PIK3C3: variants seen among roughly 807,000 people sequenced by gnomAD.
The protein encoded by PIK3C3 is PI3-kinase type 3.
In PIK3C3, 95 loss-of-function variants were observed where a neutral mutation model predicts 126.1. The ratio of observed to expected loss-of-function variants is 0.75; its 90% CI spans 0.64 to 0.89. The LOEUF (loss-of-function observed/expected upper bound fraction) is 0.89. PIK3C3 is among the 40% of genes least tolerant of loss of function. PIK3C3 has a pLI of 0.00. For missense variants in PIK3C3, 829 were observed against 1,063.2 expected (o/e 0.78, Z 3.06); for synonymous variants, 374 against 360.0 (o/e 1.04, Z -0.44).
At chr18:42,011,689 G>A (rs1982833967) in intron 10 of PIK3C3, among the ~76,000 whole-genome samples, 1 of 152,208 alleles carries the variant, frequency 6.6e-6, no homozygotes, top group Admixed American at 6.5e-5. Flanking sequence ...TACCTTGGCT[G>A]CTCAGTATGA....
At chr18:42,047,372 T>C (rs1196361308) in intron 20 of PIK3C3, among the ~76,000 whole-genome samples, 1 of 152,198 alleles carries the variant, frequency 6.6e-6, no homozygotes, top group Non-Finnish European at 1.5e-5. Flanking sequence ...CTAAGTGTAC[T>C]AAGTTCTCAT....
chr18:42,027,542 G>A lies in PIK3C3; in HGVS notation c.1584G>A (p.Leu528=), dbSNP rs1010131276. The change falls in exon 14 of 25, where the codon TTG becomes TTA. Residue 528 remains leucine, a synonymous_variant. Transcript: ENST00000262039. ...LNVMRRFSQA[L]LKGDKSVRVM... Reference sequence around the variant, plus strand: ...TAATGAGAAGATTCAGCCAAGCATTGTTGAAGGTAACCCTTAAATGTGAGG... The same window carrying A: ...TAATGAGAAGATTCAGCCAAGCATTATTGAAGGTAACCCTTAAATGTGAGG... The A allele has an allele frequency of 2.5e-6, 4 of 1,602,536 alleles. No individual in the cohort carries two copies. The African/African-American group carries it at 5.4e-5, about 21-fold the overall frequency.
At chr18:42,042,232 T>C (rs1206875553) in intron 19 of PIK3C3, among the ~76,000 whole-genome samples, 1 of 152,222 alleles carries the variant, frequency 6.6e-6, no homozygotes, top group Non-Finnish European at 1.5e-5. Context: ...TACTGCTTTT[T>C]ATTTTTTATT....
In PIK3C3 at chr18:42,001,003, A is replaced by C. The variant is rs191648140; in HGVS notation, c.985-3353A>C. Among the ~76,000 whole-genome samples the C allele has an allele frequency of 4.2e-3, 641 of 152,320 alleles. 1 individual carries two copies. The highest frequency in any genetic ancestry group is 5.8e-3 in the Non-Finnish European group (392 of 68,032). On this transcript the variant is annotated intron_variant, in intron 9 of 24. Coordinates refer to ENST00000262039, the MANE Select transcript of PIK3C3 (RefSeq NM_002647.4). ...TGTTTGAGTATTTGGAATCAAAAGC[A>C]TTGGAAAAGCAGCAAAATAGACATT...
At chr18:42,063,163 T>C (rs1985393069) in intron 22 of PIK3C3, among the ~76,000 whole-genome samples, 1 of 152,078 alleles carries the variant, frequency 6.6e-6, no homozygotes, top group Admixed American at 6.6e-5. Flanking sequence ...CTCTCTCTCA[T>C]TTTCCCATTT....
intron 15 of PIK3C3, among the ~76,000 whole-genome samples, chr18:42,030,052 G>C (rs370351144): frequency 1.3e-5 from 2 of 152,098 alleles, no homozygotes; most frequent in East Asian, 1.9e-4. Flanking sequence ...TTTGTACTCA[G>C]ACATTCTTAG....
rs747863206 is a variant in PIK3C3, at chr18:42,025,075, G to A, written c.1485-2368G>A. 3.3e-5 allele frequency among the ~76,000 whole-genome samples: 5 copies of A among 151,518 alleles called. No homozygotes were observed. The East Asian group carries it at 9.8e-4, about 30-fold the overall frequency. On this transcript the variant is annotated intron_variant, in intron 13 of 24. Coordinates refer to ENST00000262039, the MANE Select transcript of PIK3C3 (RefSeq NM_002647.4). ...GATCCGCCCACCTTGGCCTCCCAAA[G>A]TGCTGGGATTACAGGCATGAGCCAC...
intron 20 of PIK3C3, among the ~76,000 whole-genome samples, chr18:42,048,078 C>T (rs1398072736): frequency 6.6e-6 from 1 of 152,164 alleles, no homozygotes; most frequent in Admixed American, 6.5e-5. Flanking sequence ...AGTTTATTCT[C>T]CCTTCATCTA....
At chr18:42,030,121 AATAT>A (rs1983757479) in intron 15 of PIK3C3, among the ~76,000 whole-genome samples, 1 of 152,208 alleles carries the variant, frequency 6.6e-6, no homozygotes, top group Non-Finnish European at 1.5e-5. Flanking sequence ...AGCAAATTAG[AATAT>A]ACAATATATT....
In PIK3C3 at chr18:42,043,578, G is replaced by A. The variant is rs188193575; in HGVS notation, c.2104-155G>A. On this transcript the variant is annotated intron_variant, in intron 19 of 24. Transcript: ENST00000262039. ...TAATGGAAACTCTAGTGTATTTATC[G>A]CACTCTTACAATTCTTTTGTTCAGT... Among the ~76,000 whole-genome samples, 7 of 152,144 alleles carry A rather than the reference G, an allele frequency of 4.6e-5. No individual in the cohort carries two copies. The East Asian group carries it at 1.4e-3, about 29-fold the overall frequency.
At chr18:42,036,889 G>A (rs1393770673) in intron 16 of PIK3C3, among the ~76,000 whole-genome samples, 5 of 152,084 alleles carry the variant, frequency 3.3e-5, no homozygotes, top group East Asian at 1.9e-4. Context: ...ACATGATGCC[G>A]CAAGTGGAAA....
In PIK3C3 at chr18:41,983,637, G is replaced by A. The variant is rs1455493702; in HGVS notation, c.532-4175G>A. Among the ~76,000 whole-genome samples the A allele has an allele frequency of 3.3e-5, 5 of 152,228 alleles. No individual in the cohort carries two copies. The South Asian group carries it at 6.2e-4, about 19-fold the overall frequency. ...CAATGAACTGTGAGTTCTAATGATC[G>A]TGGAAGTCTGTCTATTTCCAAGGAT... On this transcript the variant is annotated intron_variant, in intron 4 of 24. Transcript: ENST00000262039.
At chr18:41,964,047 G>T (rs1252200842) in intron 3 of PIK3C3, among the ~76,000 whole-genome samples, 3 of 152,076 alleles carry the variant, frequency 2.0e-5, no homozygotes, top group Non-Finnish European at 2.9e-5. Context: ...GTTTTAGGAA[G>T]TTCCCATTTA....
chr18:41,996,016 A>C, intron 8 of PIK3C3, 22 bp downstream of exon 8: 1 of 1,491,174 alleles, frequency 6.7e-7, no homozygotes, highest in Admixed American at 1.7e-5. Flanking sequence ...ATGAAATATT[A>C]ATTTAAAAAT....
intron 4 of PIK3C3, chr18:41,985,058 A>T (rs1241395344): frequency 6.6e-6 from 1 of 152,036 alleles, no homozygotes; most frequent in Non-Finnish European, 1.5e-5. Flanking sequence ...AGGCCCTACC[A>T]CCCTGGTATC....
rs1986242668 is a variant in PIK3C3 at position 42,081,330 on chromosome 18, G to A, written c.*193G>A. 3 of 443,414 alleles carry A rather than the reference G, an allele frequency of 6.8e-6. No individual in the cohort carries two copies. The highest frequency in any genetic ancestry group is 4.1e-5 in the Admixed American group (1 of 24,436). The allele number at this position is 443,414 out of a possible 1,614,324, so 27.5% of individuals were successfully genotyped here. ...GTCATTGCTTAAATATAGTCTTGAA[G>A]GGCTTGTTTTGAAATATTGTATATA... On this transcript the variant is annotated 3_prime_UTR_variant, in exon 25 of 25. Coordinates refer to ENST00000262039, the MANE Select transcript of PIK3C3 (RefSeq NM_002647.4).
intron 13 of PIK3C3, chr18:42,026,747 T>G (rs1983587521): frequency 6.6e-6 from 1 of 152,234 alleles, no homozygotes; most frequent in Admixed American, 6.5e-5. Context: ...TGTTATTTGC[T>G]TTGGTTTGTT....
At chr18:42,024,852 G>C (rs1416587986) in intron 13 of PIK3C3, among the ~76,000 whole-genome samples, 3 of 151,164 alleles carry the variant, frequency 2.0e-5, no homozygotes, top group Non-Finnish European at 4.4e-5. Context: ...AGCCCAGGCT[G>C]GAGTGCAGTG....
intron 9 of PIK3C3, among the ~76,000 whole-genome samples, chr18:42,002,275 G>T (rs1982325768): frequency 6.6e-6 from 1 of 152,136 alleles, no homozygotes; most frequent in Admixed American, 6.6e-5. Context: ...AAGTTAACTG[G>T]GCTGAAGCAT....
Sources: allele counts gnomAD v4.1 joint callset (sites outside exome capture counted in the v4.1 genomes callset), GRCh38; gene constraint gnomAD v4.1.1; transcripts MANE v1.5; gene names NCBI Gene and HGNC (gene_info 2026-07-23, HGNC 2026-07-21).